RPL14: variants seen among roughly 807,000 people sequenced by gnomAD.
RPL14 encodes the protein ribosomal protein L14.
In RPL14, 4 loss-of-function variants were observed where a neutral mutation model predicts 25.3. The observed-to-expected ratio is 0.16, with a 90% CI of 0.08 to 0.36. RPL14 has a LOEUF of 0.36. Ranked by LOEUF, RPL14 falls within the 10% of genes least tolerant of loss-of-function variation. RPL14 has a pLI of 1.00. For synonymous variants in RPL14, 75 were observed against 89.8 expected (o/e 0.84, Z 0.93); for missense variants, 212 against 261.9 (o/e 0.81, Z 1.31).
At chr3:40,459,657 C>T (rs960996807) in intron 3 of RPL14, among the ~76,000 whole-genome samples, 50 of 152,034 alleles carry the variant, frequency 3.3e-4, no homozygotes, top group South Asian at 6.2e-4. Flanking sequence ...AGATGGAGAC[C>T]GTCCTGGCTA....
rs945727412 is a variant in RPL14, at chr3:40,462,504, G to A, written c.*272G>A. ...CCATTCTCCTGCCTCAGCCTCCTGA[G>A]CAGCTGGGACTACAGGTGCCCGCCA... On this transcript the variant is annotated 3_prime_UTR_variant, in exon 6 of 6. Coordinates refer to ENST00000396203, the MANE Select transcript of RPL14 (RefSeq NM_001034996.3). The A allele has an allele frequency of 1.3e-5, 4 of 298,320 alleles. No homozygotes were observed. The highest frequency in any genetic ancestry group is 9.0e-5 in the African/African-American group (4 of 44,516). 18.5% of individuals were successfully genotyped at this position (298,320 alleles called of 1,614,324 possible). A position where few individuals can be genotyped will look rare whatever the true frequency, so the allele number is the denominator to read the frequency against.
At position 40,463,358 on chromosome 3, in the gene RPL14, A is replaced by G. The variant is rs1483748608; in HGVS notation, c.*1126A>G. On this transcript the variant is annotated 3_prime_UTR_variant, in exon 6 of 6. Transcript: ENST00000396203. ...GTAGTTGGGACTATAGGTGTGTGCCACCACGTCTGGCTAGTTTTTGTATTT... is the reference window on the plus strand; with the variant it reads ...GTAGTTGGGACTATAGGTGTGTGCCGCCACGTCTGGCTAGTTTTTGTATTT... 1 of 151,920 alleles carries G rather than the reference A, an allele frequency of 6.6e-6. No individual in the cohort carries two copies. Among genetic ancestry groups the G allele is most frequent in the African/African-American group, 2.4e-5 (1 of 41,302 alleles). 9.4% of individuals were successfully genotyped at this position (151,920 alleles called of 1,614,324 possible).
rs377428247 is a variant in RPL14 at position 40,466,515 on chromosome 3, C to CAAAAAA, written c.*4297_*4302dup. ...GTGAAACCCTGTCTCTACTAAAAAT[C>CAAAAAA]AAAAAAAAAAAAAAAAAAATGGCTG... is the stretch of plus-strand genomic sequence containing the variant. On this transcript the variant is annotated 3_prime_UTR_variant, in exon 6 of 6. Transcript: ENST00000396203. 17 of 123,662 alleles carry CAAAAAA rather than the reference C, an allele frequency of 1.4e-4. No individual in the cohort carries two copies. Among genetic ancestry groups the CAAAAAA allele is most frequent in the African/African-American group, 2.2e-4 (7 of 32,496 alleles). The allele number at this position is 123,662 out of a possible 1,614,324, so 7.7% of individuals were successfully genotyped here. A position where few individuals can be genotyped will look rare whatever the true frequency, so the allele number is the denominator to read the frequency against.
At position 40,464,452 on chromosome 3, in the gene RPL14, A is replaced by T. The variant is rs543168969; in HGVS notation, c.*2220A>T. ...ATTGTCTAGAGAAAGTGGCATCTATACCTAAAATAAGAAGAAGGTGGTGTA... is the reference window on the plus strand; with the variant it reads ...ATTGTCTAGAGAAAGTGGCATCTATTCCTAAAATAAGAAGAAGGTGGTGTA... On this transcript the variant is annotated 3_prime_UTR_variant, in exon 6 of 6. Coordinates refer to ENST00000396203, the MANE Select transcript of RPL14 (RefSeq NM_001034996.3). 1 of 456,040 alleles carries T rather than the reference A, an allele frequency of 2.2e-6. No homozygotes were observed. Among genetic ancestry groups the T allele is most frequent in the Admixed American group, 2.3e-5 (1 of 42,570 alleles). 28.2% of individuals were successfully genotyped at this position (456,040 alleles called of 1,614,324 possible). A position where few individuals can be genotyped will look rare whatever the true frequency, so the allele number is the denominator to read the frequency against.
At position 40,462,555 on chromosome 3, in the gene RPL14, T is replaced by G. The variant is rs1433919499; in HGVS notation, c.*323T>G. On this transcript the variant is annotated 3_prime_UTR_variant, in exon 6 of 6. Coordinates refer to ENST00000396203, the MANE Select transcript of RPL14 (RefSeq NM_001034996.3). ...CCGCGCCTGGCTAATTTTTTGTATT[T>G]TTAGTAGAGACGGGGTTTCACCGTG... 1 of 200,486 alleles carries G rather than the reference T, an allele frequency of 5.0e-6. No homozygotes were observed. Among genetic ancestry groups the G allele is most frequent in the Non-Finnish European group, 1.0e-5 (1 of 99,156 alleles). The allele number at this position is 200,486 out of a possible 1,614,324, so 12.4% of individuals were successfully genotyped here.
At chr3:40,459,788 G>A (rs1696904137) in intron 3 of RPL14, among the ~76,000 whole-genome samples, 1 of 150,514 alleles carries the variant, frequency 6.6e-6, no homozygotes, top group Non-Finnish European at 1.5e-5. Flanking sequence ...GAGCCCGGGA[G>A]GCGGAGCTTG....
chr3:40,460,696 C>T (rs1432311386), intron 3 of RPL14, among the ~76,000 whole-genome samples: 1 of 151,826 alleles, frequency 6.6e-6, no homozygotes, highest in East Asian at 1.9e-4. Flanking sequence ...TCACTGCAAC[C>T]TCAGGCTCCC....
In RPL14 at chr3:40,461,615, A is replaced by G; in HGVS notation, c.308A>G (p.Lys103Arg). ...KKIEARERKAKMTDFDRFKVM... is the reference protein window; with the variant it reads ...KKIEARERKARMTDFDRFKVM... ...TTGTTTTTTTTTTAACAGAAAGCCA[A>G]GATGACAGATTTTGATCGTTTTAAA... The change falls in exon 5 of 6, where the codon AAG becomes AGG. Residue 103 changes from lysine (K) to arginine (R), a missense_variant. Lys to Arg is a conservative substitution (Grantham distance 26). Coordinates refer to ENST00000396203, the MANE Select transcript of RPL14 (RefSeq NM_001034996.3). The G allele has an allele frequency of 6.2e-7, 1 of 1,607,970 alleles. No homozygotes were observed. The highest frequency in any genetic ancestry group is 1.1e-5 in the South Asian group (1 of 89,096).
intron 2 of RPL14, 108 bp from the exon 3 acceptor site, chr3:40,458,534 G>A (rs1014068318): frequency 7.9e-6 from 6 of 759,466 alleles, no homozygotes; most frequent in African/African-American, 5.2e-5. Flanking sequence ...TATTAAAATA[G>A]TAGTGTGGGT....
At chr3:40,461,817 T>TA (rs1170917399) in intron 5 of RPL14, 122 bp from the exon 6 acceptor site, 33 of 1,296,518 alleles carry the variant, frequency 2.5e-5, no homozygotes, top group Non-Finnish European at 7.4e-6. Flanking sequence ...ATGGAATTGT[T>TA]ACCTTTCTTC....
In RPL14 at chr3:40,457,387, C is replaced by A; in HGVS notation, c.-85C>A. ...TGGTGAGTCTTACTGTTGCGGGCTC[C>A]GGGGCCGTCGACCATGCCGCTCGAC... On this transcript the variant is annotated 5_prime_UTR_variant, in exon 1 of 6. Transcript: ENST00000396203. 1.2e-6 allele frequency: 2 copies of A among 1,603,052 alleles called. No individual in the cohort carries two copies. Among genetic ancestry groups the A allele is most frequent in the Non-Finnish European group, 1.7e-6 (2 of 1,174,372 alleles).
intron 2 of RPL14, 179 bp from the exon 3 acceptor site, chr3:40,458,463 G>T: frequency 1.7e-6 from 1 of 597,762 alleles, no homozygotes; most frequent in South Asian, 2.0e-5. Flanking sequence ...TGTTTGTGTT[G>T]AGCAAAAGAC....
At chr3:40,457,514 C>T (rs1575249341) in intron 1 of RPL14, 40 bp downstream of exon 1, 2 of 1,460,892 alleles carry the variant, frequency 1.4e-6, no homozygotes, top group East Asian at 5.1e-5. Context: ...GAATCGGGCC[C>T]TTCCCGGACT....
Position 40,462,170 on chromosome 3 carries a change from A to G in RPL14, c.586A>G (p.Lys196Glu). ...QKAAPAPKAQKGQKAPAQKAP... is the reference protein window; with the variant it reads ...QKAAPAPKAQEGQKAPAQKAP... ...AGCAGCGCCTGCTCCAAAAGCTCAG[A>G]AGGGTCAAAAAGCTCCAGCCCAGAA... The change falls in exon 6 of 6, where the codon AAG becomes GAG. Residue 196 changes from lysine to glutamate, a missense_variant. Lys to Glu is a moderately conservative substitution (Grantham distance 56). This residue lies in a region of RPL14 where 66 missense variants were observed against 62.6 expected (regional missense o/e 1.05). Coordinates refer to ENST00000396203, the MANE Select transcript of RPL14 (RefSeq NM_001034996.3). 1 of 1,611,918 alleles carries G rather than the reference A, an allele frequency of 6.2e-7. No homozygotes were observed. The highest frequency in any genetic ancestry group is 8.5e-7 in the Non-Finnish European group (1 of 1,179,256).
intron 3 of RPL14, chr3:40,459,069 A>G: frequency 3.5e-6 from 1 of 281,934 alleles, no homozygotes. Flanking sequence ...AATCCCAGGT[A>G]GGGGGGCCTT....
chr3:40,461,928 A>C lies in RPL14; in HGVS notation c.355-11A>C. Reference sequence around the variant, plus strand: ...ACACAATAAGTGCTTTCTTACATTGATAATTTTCAGAGGAACAGAATAATC... The same window carrying C: ...ACACAATAAGTGCTTTCTTACATTGCTAATTTTCAGAGGAACAGAATAATC... On this transcript the variant is annotated splice_polypyrimidine_tract_variant and intron_variant, in intron 5 of 5. Coordinates refer to ENST00000396203, the MANE Select transcript of RPL14 (RefSeq NM_001034996.3). The C allele has an allele frequency of 6.3e-7, 1 of 1,586,014 alleles. No homozygotes were observed. The highest frequency in any genetic ancestry group is 1.2e-5 in the South Asian group (1 of 86,268).
chr3:40,457,566 C>T (rs1202443541), intron 1 of RPL14, 92 bp downstream of exon 1: 3 of 1,110,336 alleles, frequency 2.7e-6, no homozygotes, highest in Admixed American at 4.1e-5. Context: ...GCGTGGAGGG[C>T]CCGGCAGGCC....
At chr3:40,458,212 G>T (rs1696875154) in intron 2 of RPL14, 1 of 584,316 alleles carries the variant, frequency 1.7e-6, no homozygotes, top group East Asian at 2.8e-5. Context: ...CCAGTTATAG[G>T]CTGAAACGTT....
intron 5 of RPL14, 124 bp downstream of exon 5, chr3:40,461,785 A>AT: frequency 7.7e-7 from 1 of 1,296,788 alleles, no homozygotes; most frequent in Non-Finnish European, 1.1e-6. Context: ...ATTTATCTTC[A>AT]TTTGTATTTC....
Sources: gnomAD v4.1 joint callset for allele counts (sites outside exome capture counted in the v4.1 genomes callset) on GRCh38, gnomAD v4.1.1 for gene constraint, gnomAD v4.1.1 regional missense constraint, MANE v1.5 for transcripts, NCBI Gene and HGNC (gene_info 2026-07-23, HGNC 2026-07-21) for gene names.